The following TMIGD1 variants were observed in gnomAD, a reference collection of about 807,000 sequenced individuals.
The protein encoded by TMIGD1 is transmembrane and immunoglobulin domain-containing protein 1.
TMIGD1 carries 29 observed loss-of-function variants against 27.5 expected under a neutral mutation model. The observed-to-expected ratio is 1.05, with a 90% CI of 0.78 to 1.44. TMIGD1 has a LOEUF of 1.44. Among genes scored for constraint, TMIGD1 ranks in the 40% most tolerant of loss-of-function variants. The probability of loss-of-function intolerance (pLI) is 0.00; values close to 1 mark genes in which losing one functional copy is unlikely to be tolerated. For synonymous variants in TMIGD1, 109 were observed against 110.3 expected (o/e 0.99, Z 0.07); for missense variants, 334 against 310.6 (o/e 1.08, Z -0.57).
intron 3 of TMIGD1, among the ~76,000 whole-genome samples, chr17:30,325,445 G>A (rs1909745145): frequency 6.6e-6 from 1 of 152,142 alleles, no homozygotes. Flanking sequence ...CTGTGCTAGT[G>A]TTGCACAAAA....
intron 4 of TMIGD1, among the ~76,000 whole-genome samples, chr17:30,320,359 A>G (rs993374342): frequency 3.0e-4 from 45 of 152,106 alleles, no homozygotes; most frequent in African/African-American, 8.7e-4. Flanking sequence ...TTTATCAGTC[A>G]CTATAGGCAT....
chr17:30,323,278 A>G (rs1375012452), intron 4 of TMIGD1, among the ~76,000 whole-genome samples: 1 of 152,214 alleles, frequency 6.6e-6, no homozygotes, highest in African/African-American at 2.4e-5. Flanking sequence ...ACCAGACCTG[A>G]TATTTCCCTC....
chr17:30,324,865 T>C lies in TMIGD1; in HGVS notation c.591A>G (p.Ala197=), dbSNP rs753323709. The change falls in exon 4 of 7, where the codon GCA becomes GCG. Residue 197 remains alanine (A), a synonymous_variant. Transcript: ENST00000328886. ...AGCTCTCCGTTTTCAGAGATGACTT[T>C]GCAATACAACTGTAGGTTCCGTTGT... ...KPDNGTYSCI[A]KSSLKTESLD... 16 of 1,614,208 alleles carry C rather than the reference T, an allele frequency of 9.9e-6. No homozygotes were observed. Among genetic ancestry groups the C allele is most frequent in the South Asian group, 1.1e-5 (1 of 91,082 alleles).
Position 30,324,749 on chromosome 17 carries a change from G to A in TMIGD1, c.640+67C>T, listed in dbSNP as rs142915105. Reference sequence around the variant, plus strand: ...CCGTTATTATCATTTATTGTCACCAGAAATATTCACTGAGCATCTGGTGTG... The same window carrying A: ...CCGTTATTATCATTTATTGTCACCAAAAATATTCACTGAGCATCTGGTGTG... On this transcript the variant is annotated intron_variant, in intron 4 of 6. Transcript: ENST00000328886. 4.2e-3 allele frequency: 6,417 copies of A among 1,534,980 alleles called. 35 individuals carry two copies. Among genetic ancestry groups the A allele is most frequent in the South Asian group, 0.013 (1,083 of 84,840 alleles).
At chr17:30,326,645 G>A (rs769197978) in intron 3 of TMIGD1, among the ~76,000 whole-genome samples, 8 of 151,858 alleles carry the variant, frequency 5.3e-5, no homozygotes, top group Non-Finnish European at 1.2e-4. Context: ...TGGGCTTTAG[G>A]TTGTTTTCAT....
chr17:30,319,261 A>AATATATATAT (rs1175035556), intron 4 of TMIGD1, among the ~76,000 whole-genome samples: 422 of 68,176 alleles, frequency 6.2e-3, no homozygotes, highest in African/African-American at 0.011. Context: ...AAAAAAAAAA[A>AATATATATAT]ATATATATAT....
intron 4 of TMIGD1, among the ~76,000 whole-genome samples, chr17:30,319,517 T>A (rs958898125): frequency 6.6e-6 from 1 of 151,058 alleles, no homozygotes; most frequent in Non-Finnish European, 1.5e-5. Flanking sequence ...AATAATTTAT[T>A]GTAATATGAG....
intron 2 of TMIGD1, among the ~76,000 whole-genome samples, chr17:30,329,855 G>A (rs572332354): frequency 6.6e-6 from 1 of 151,968 alleles, no homozygotes; most frequent in South Asian, 2.1e-4. Flanking sequence ...AGGATCGCTT[G>A]AGCTCAGGAG....
Position 30,324,810 on chromosome 17 carries a change from C to T in TMIGD1, c.640+6G>A. 1 of 1,613,242 alleles carries T rather than the reference C, an allele frequency of 6.2e-7. No homozygotes were observed. Among genetic ancestry groups the T allele is most frequent in the Non-Finnish European group, 8.5e-7 (1 of 1,179,274 alleles). The stretch of plus-strand genomic sequence containing the variant: ...TGTGCTGGGTATTACTTAAAAAGAG[C>T]ATTACCTTTAACAATCAGGTGAAAG... On this transcript the variant is annotated splice_donor_region_variant and intron_variant, in intron 4 of 6. Coordinates refer to ENST00000328886, the MANE Select transcript of TMIGD1 (RefSeq NM_206832.3).
In TMIGD1 at chr17:30,329,396, C is replaced by T. The variant is rs746893744; in HGVS notation, c.216G>A (p.Gly72=). 10 of 1,614,088 alleles carry T rather than the reference C, an allele frequency of 6.2e-6. No individual in the cohort carries two copies. The highest frequency in any genetic ancestry group is 6.8e-6 in the Non-Finnish European group (8 of 1,180,046). The change falls in exon 3 of 7, where the codon GGG becomes GGA. Residue 72 remains glycine (G), a synonymous_variant. Coordinates refer to ENST00000328886, the MANE Select transcript of TMIGD1 (RefSeq NM_206832.3). The part of the protein sequence containing the change: ...EEELLWYREE[G]RVDLKSGNKI... The stretch of plus-strand genomic sequence containing the variant: ...TGTTTCCAGATTTCAAATCCACTCT[C>T]CCCTCCTCTCGGTACCAGAGCAGTT...
chr17:30,322,310 C>T (rs1424045694), intron 4 of TMIGD1, among the ~76,000 whole-genome samples: 2 of 152,158 alleles, frequency 1.3e-5, no homozygotes, highest in Non-Finnish European at 2.9e-5. Context: ...TACTAGCCAG[C>T]TCTGGGACAC....
intron 3 of TMIGD1, among the ~76,000 whole-genome samples, chr17:30,328,289 G>A (rs968349021): frequency 6.6e-6 from 1 of 152,064 alleles, no homozygotes; most frequent in African/African-American, 2.4e-5. Context: ...ATTTGCCTCT[G>A]CCTCCCAAAG....
chr17:30,319,786 CT>C (rs902963088), intron 4 of TMIGD1, among the ~76,000 whole-genome samples: 8 of 151,910 alleles, frequency 5.3e-5, no homozygotes, highest in Non-Finnish European at 7.4e-5. Flanking sequence ...AGCCTTGTAC[CT>C]GTACTGCAAT....
At chr17:30,332,597 C>G (rs1204652024) in intron 1 of TMIGD1, among the ~76,000 whole-genome samples, 5 of 152,120 alleles carry the variant, frequency 3.3e-5, no homozygotes, top group African/African-American at 7.2e-5. Context: ...TACTCCAAAT[C>G]CCATAGATTC....
intron 3 of TMIGD1, among the ~76,000 whole-genome samples, chr17:30,327,039 T>C (rs890198044): frequency 4.3e-5 from 6 of 141,026 alleles, no homozygotes; most frequent in African/African-American, 1.7e-4. Context: ...ACTGAGCAAT[T>C]AACTATACAC....
At chr17:30,327,045 T>C (rs1274619530) in intron 3 of TMIGD1, among the ~76,000 whole-genome samples, 30 of 146,492 alleles carry the variant, frequency 2.0e-4, no homozygotes, top group Admixed American at 1.0e-3. Flanking sequence ...CAATTAACTA[T>C]ACACACACAC....
chr17:30,320,729 T>C (rs760301946), intron 4 of TMIGD1, among the ~76,000 whole-genome samples: 22 of 152,310 alleles, frequency 1.4e-4, no homozygotes, highest in Admixed American at 4.6e-4. Flanking sequence ...CAGCGTGGCA[T>C]ATCCGTAGTC....
intron 5 of TMIGD1, among the ~76,000 whole-genome samples, 200 bp downstream of exon 5, chr17:30,318,610 T>C (rs558266257): frequency 1.3e-5 from 2 of 152,334 alleles, no homozygotes; most frequent in African/African-American, 4.8e-5. Flanking sequence ...CCATGTGCAC[T>C]TCTCTTCTTT....
At chr17:30,316,738 A>G (rs770768740) in intron 6 of TMIGD1, 48 bp from the exon 7 acceptor site, 2 of 1,571,468 alleles carry the variant, frequency 1.3e-6, no homozygotes, top group Non-Finnish European at 1.7e-6. Context: ...TAGCAATAAG[A>G]AAAAAATTCA....
Sources: gnomAD v4.1 joint callset for allele counts (sites outside exome capture counted in the v4.1 genomes callset) on GRCh38, gnomAD v4.1.1 for gene constraint, MANE v1.5 for transcripts, NCBI Gene and HGNC (gene_info 2026-07-23, HGNC 2026-07-21) for gene names.